SULF2: variants seen among roughly 807,000 people sequenced by gnomAD.
SULF2 encodes the protein extracellular sulfatase Sulf-2.
Under a neutral mutation model 107.7 loss-of-function variants are expected in SULF2, and 52 were observed. The observed-to-expected ratio is 0.48, with a 90% CI of 0.39 to 0.61. SULF2 has a LOEUF of 0.61. Ranked by LOEUF, SULF2 falls within the 20% of genes least tolerant of loss-of-function variation. The pLI is 0.00. For synonymous variants in SULF2, 460 were observed against 464.3 expected (o/e 0.99, Z 0.12); for missense variants, 993 against 1,177.3 (o/e 0.84, Z 2.29).
rs907658485 is a variant in SULF2, at chr20:47,771,035, C to T, written c.-100-13572G>A. 2.6e-5 allele frequency among the ~76,000 whole-genome samples: 4 copies of T among 152,160 alleles called. No individual in the cohort carries two copies. In the East Asian group the frequency reaches 5.8e-4, roughly 22 times the overall value. On this transcript the variant is annotated intron_variant, in intron 1 of 20. Coordinates refer to ENST00000688720, the MANE Select transcript of SULF2 (RefSeq NM_001387048.1). ...CACCATGGATGAGCCTGCAGGGTAC[C>T]GTGTGGCCATCCCGTAAAACAGTCA...
intron 4 of SULF2, among the ~76,000 whole-genome samples, chr20:47,701,882 G>C (rs553472259): frequency 6.6e-6 from 1 of 152,226 alleles, no homozygotes; most frequent in East Asian, 1.9e-4. Context: ...GCGGGCGGTG[G>C]TGACATTCTC....
upstream of SULF2, chr20:47,786,205 T>C (rs1301589290): frequency 6.6e-6 from 1 of 152,084 alleles, no homozygotes; most frequent in Non-Finnish European, 1.5e-5. Context: ...ATAAATCAAA[T>C]ATCGTGATAA....
intron 6 of SULF2, 45 bp from the exon 7 acceptor site, chr20:47,683,214 C>T: frequency 6.6e-7 from 1 of 1,525,346 alleles, no homozygotes; most frequent in Non-Finnish European, 8.9e-7. Context: ...GACTGGGTGC[C>T]TGGCCCGTCT....
At chr20:47,757,104 C>T (rs1039836527) in intron 2 of SULF2, 85 bp downstream of exon 2, 2 of 1,268,076 alleles carry the variant, frequency 1.6e-6, no homozygotes, top group African/African-American at 3.0e-5. Context: ...GCATCAACAC[C>T]ACCGCCTTGC....
At chr20:47,760,217 C>T (rs2090388354) in intron 1 of SULF2, among the ~76,000 whole-genome samples, 1 of 152,146 alleles carries the variant, frequency 6.6e-6, no homozygotes, top group Admixed American at 6.5e-5. Context: ...CTCCATTTCT[C>T]CCCCAGCTCT....
chr20:47,784,460 G>C (rs1437596239), intron 1 of SULF2, among the ~76,000 whole-genome samples: 1 of 151,986 alleles, frequency 6.6e-6, no homozygotes, highest in African/African-American at 2.4e-5. Context: ...CTGTGTGCTG[G>C]GCCTACTGCG....
rs753997475 is a variant in SULF2 at position 47,672,225 on chromosome 20, C to G, written c.1549G>C (p.Gly517Arg). The change falls in exon 11 of 21, where the codon GGA becomes CGA. Residue 517 changes from glycine (G) to arginine (R), a missense_variant. Physicochemically the swap from Gly to Arg is moderately radical, Grantham distance 125. Coordinates refer to ENST00000688720, the MANE Select transcript of SULF2 (RefSeq NM_001387048.1). ...TTCTTGAAGAGTTTTTTCCGGCGTC[C>G]GGCCAGGCTGAGCTTGTAGTCCCCG... ...DSGDYKLSLA[G>R]RRKKLFKKKY... 6.2e-7 allele frequency: 1 copy of G among 1,610,010 alleles called. No homozygotes were observed. Among genetic ancestry groups the G allele is most frequent in the East Asian group, 2.2e-5 (1 of 44,782 alleles).
rs759690664 is a variant in SULF2, at chr20:47,666,814, G to A, written c.1577-326C>T. ...GGAATATGCGACCAGAACCAGGAGC[G>A]AGGTTCTGATTCACGCTAGAGCGTG... On this transcript the variant is annotated intron_variant, in intron 11 of 20. Coordinates refer to ENST00000688720, the MANE Select transcript of SULF2 (RefSeq NM_001387048.1). The surrounding 1 kb of genome is among the most constrained non-coding windows in gnomAD (Gnocchi z 5.4). Among the ~76,000 whole-genome samples the A allele has an allele frequency of 3.9e-5, 6 of 152,238 alleles. No homozygotes were observed. Among genetic ancestry groups the A allele is most frequent in the Non-Finnish European group, 7.3e-5 (5 of 68,030 alleles).
chr20:47,740,490 A>C (rs375389680), intron 2 of SULF2, among the ~76,000 whole-genome samples: 1 of 152,296 alleles, frequency 6.6e-6, no homozygotes, highest in African/African-American at 2.4e-5. Context: ...CCAGGGTCAC[A>C]TCACCAAACA....
At chr20:47,733,170 T>G (rs1487784480) in intron 3 of SULF2, among the ~76,000 whole-genome samples, 1 of 152,130 alleles carries the variant, frequency 6.6e-6, no homozygotes, top group East Asian at 1.9e-4. Context: ...GACGAATAAT[T>G]ACCTGGTCTA....
At chr20:47,670,949 C>T (rs1329745477) in intron 11 of SULF2, among the ~76,000 whole-genome samples, 1 of 152,020 alleles carries the variant, frequency 6.6e-6, no homozygotes, top group Non-Finnish European at 1.5e-5. Context: ...GAGAAATGGG[C>T]TACGTGGGAA....
chr20:47,750,073 C>T (rs1160082994), intron 2 of SULF2, among the ~76,000 whole-genome samples: 4 of 152,364 alleles, frequency 2.6e-5, no homozygotes, highest in African/African-American at 9.6e-5. Context: ...CCTCCGCCTC[C>T]TGGGTTCAAC....
chr20:47,665,120 G>T, intron 14 of SULF2, 79 bp downstream of exon 14: 2 of 896,590 alleles, frequency 2.2e-6, no homozygotes, highest in Non-Finnish European at 3.7e-6. Flanking sequence ...AATGAAAGGG[G>T]TCAATCACGA....
intron 2 of SULF2, among the ~76,000 whole-genome samples, chr20:47,756,369 T>A (rs1343513322): frequency 6.6e-6 from 1 of 152,090 alleles, no homozygotes; most frequent in African/African-American, 2.4e-5. Flanking sequence ...ACTGAGAAGC[T>A]CCCGGAGGAA....
intron 15 of SULF2, among the ~76,000 whole-genome samples, chr20:47,663,868 G>A (rs530991814): frequency 1.1e-4 from 16 of 152,302 alleles, no homozygotes; most frequent in African/African-American, 3.4e-4. Context: ...GCAGCTACTG[G>A]GACTCCTGTT....
intron 7 of SULF2, among the ~76,000 whole-genome samples, chr20:47,679,005 C>G (rs73913414): frequency 1.4e-5 from 2 of 143,682 alleles, no homozygotes; most frequent in Non-Finnish European, 3.1e-5. Context: ...GTGCTCGCCC[C>G]CCCTTAGTTT....
At chr20:47,763,540 G>C (rs2090460439) in intron 1 of SULF2, among the ~76,000 whole-genome samples, 1 of 152,216 alleles carries the variant, frequency 6.6e-6, no homozygotes, top group South Asian at 2.1e-4. Context: ...AGAGGCAGAA[G>C]GAGGCACTGG....
chr20:47,661,464 T>G, intron 18 of SULF2: 1 of 209,820 alleles, frequency 4.8e-6, no homozygotes, highest in Non-Finnish European at 1.0e-5. Context: ...TTAGTCAACA[T>G]GGTTTCAGGT....
intron 1 of SULF2, among the ~76,000 whole-genome samples, chr20:47,776,462 A>G (rs2090727337): frequency 6.6e-6 from 1 of 152,156 alleles, no homozygotes; most frequent in South Asian, 2.1e-4. Flanking sequence ...TTAAACCACC[A>G]CTAGCCTGTA....
Sources: gnomAD v4.1 joint callset for allele counts (sites outside exome capture counted in the v4.1 genomes callset) on GRCh38, gnomAD v4.1.1 for gene constraint, Gnocchi (gnomAD v3.1) non-coding constraint, MANE v1.5 for transcripts, NCBI Gene and HGNC (gene_info 2026-07-23, HGNC 2026-07-21) for gene names.